Variants in SHANK2 observed in about 807,000 individuals in gnomAD.
SHANK2 encodes the protein SH3 and multiple ankyrin repeat domains 2, also known as SH3 and multiple ankyrin repeat domains protein 2.
SHANK2 carries 43 observed loss-of-function variants against 133.7 expected under a neutral mutation model. The observed-to-expected ratio is 0.32, with a 90% CI of 0.25 to 0.41. SHANK2 has a LOEUF of 0.41. Among genes scored for constraint, SHANK2 ranks in the 10% least tolerant of loss-of-function variants. The pLI, the probability that SHANK2 is intolerant of heterozygous loss-of-function variation, is 1.00. For missense variants in SHANK2, 1,994 were observed against 2,235.8 expected (o/e 0.89, Z 2.18); for synonymous variants, 1,017 against 952.8 (o/e 1.07, Z -1.24).
intron 10 of SHANK2, among the ~76,000 whole-genome samples, chr11:70,931,556 C>T (rs912235798): frequency 4.6e-5 from 7 of 152,200 alleles, no homozygotes; most frequent in Admixed American, 2.0e-4. Flanking sequence ...TATAGAATCA[C>T]CCGTCCTTGT....
In SHANK2 at chr11:70,599,564, C is replaced by T. The variant is rs28641151; in HGVS notation, c.2061+60264G>A. On this transcript the variant is annotated intron_variant, in intron 17 of 25. Coordinates refer to ENST00000601538, the MANE Select transcript of SHANK2 (RefSeq NM_012309.5). ...CGGAGCCTGCAGTGAGCCGAGATTG[C>T]GCCACTGCACTCCAGCCTGGGCGAC... Among the ~76,000 whole-genome samples, 8 of 95,864 alleles carry T rather than the reference C, an allele frequency of 8.3e-5. 1 individual carries two copies. The Admixed American group carries it at 9.1e-4, about 11-fold the overall frequency. The allele number at this position is 95,864 out of a possible 152,430, so 62.9% of individuals were successfully genotyped here.
chr11:71,143,063 G>GTC (rs781891088), intron 3 of SHANK2, among the ~76,000 whole-genome samples: 6 of 152,104 alleles, frequency 3.9e-5, no homozygotes. Flanking sequence ...GTAAAACCCC[G>GTC]TCTCTACTAA....
chr11:70,758,518 C>A (rs191859120), intron 14 of SHANK2, among the ~76,000 whole-genome samples: 1 of 152,238 alleles, frequency 6.6e-6, no homozygotes. Context: ...TGGTCCTAAT[C>A]GAGCTGAATA....
intron 10 of SHANK2, among the ~76,000 whole-genome samples, chr11:70,900,006 A>C (rs1555076446): frequency 6.6e-6 from 1 of 152,136 alleles, no homozygotes; most frequent in Non-Finnish European, 1.5e-5. Context: ...ATTTATTGAG[A>C]TCTCACAAGT....
At chr11:70,872,687 T>A (rs576224816) in intron 11 of SHANK2, among the ~76,000 whole-genome samples, 26 of 152,134 alleles carry the variant, frequency 1.7e-4, no homozygotes, top group African/African-American at 6.0e-4. Flanking sequence ...TACTTCCGGC[T>A]CCCTGGTGTA....
At chr11:70,903,957 A>G (rs1950061510) in intron 10 of SHANK2, among the ~76,000 whole-genome samples, 1 of 152,162 alleles carries the variant, frequency 6.6e-6, no homozygotes, top group African/African-American at 2.4e-5. Flanking sequence ...GGTAAGGCCC[A>G]TTCCAGGAGC....
intron 17 of SHANK2, among the ~76,000 whole-genome samples, chr11:70,598,719 C>T (rs2060434611): frequency 6.6e-6 from 1 of 152,174 alleles, no homozygotes; most frequent in South Asian, 2.1e-4. Flanking sequence ...ATTACTACAT[C>T]ATGACAAGTC....
intron 14 of SHANK2, among the ~76,000 whole-genome samples, chr11:70,702,331 TCATCACCAACAC>T (rs1261058083): frequency 7.2e-6 from 1 of 138,762 alleles, no homozygotes; most frequent in Non-Finnish European, 1.6e-5. Context: ...ATCACCATCA[TCATCACCAACAC>T]CATCACCACC....
At chr11:70,889,095 A>G (rs922186385) in intron 11 of SHANK2, among the ~76,000 whole-genome samples, 2 of 152,142 alleles carry the variant, frequency 1.3e-5, no homozygotes, top group African/African-American at 2.4e-5. Flanking sequence ...CCTAAACTGC[A>G]CCCTCATTTG....
intron 14 of SHANK2, among the ~76,000 whole-genome samples, chr11:70,715,539 G>A (rs1945894853): frequency 6.6e-6 from 1 of 152,144 alleles, no homozygotes; most frequent in South Asian, 2.1e-4. Context: ...AAATTGGCTG[G>A]ACAAATGAAT....
intron 11 of SHANK2, 91 bp from the exon 12 acceptor site, chr11:70,820,773 G>A (rs566936809): frequency 1.2e-5 from 7 of 577,676 alleles, no homozygotes; most frequent in East Asian, 2.9e-5. Flanking sequence ...GCCTGCGTGC[G>A]TCCAAGCCCC....
At chr11:70,760,292 G>A (rs113583048) in intron 14 of SHANK2, among the ~76,000 whole-genome samples, 9 of 152,146 alleles carry the variant, frequency 5.9e-5, no homozygotes, top group Non-Finnish European at 1.0e-4. Context: ...TCACCTCCTC[G>A]AAGCGCCTGC....
intron 21 of SHANK2, among the ~76,000 whole-genome samples, chr11:70,499,058 G>A (rs187810225): frequency 2.6e-5 from 4 of 152,176 alleles, no homozygotes; most frequent in Admixed American, 6.5e-5. Flanking sequence ...TGCTTTTTCC[G>A]AGGCGAGGCC....
At chr11:70,828,295 A>T (rs1420960479) in intron 11 of SHANK2, among the ~76,000 whole-genome samples, 1 of 151,794 alleles carries the variant, frequency 6.6e-6, no homozygotes, top group Non-Finnish European at 1.5e-5. Context: ...CAAACAAAAA[A>T]CCCCACAAAA....
chr11:70,663,318 C>T (rs894427427), intron 15 of SHANK2, among the ~76,000 whole-genome samples: 3 of 152,116 alleles, frequency 2.0e-5, no homozygotes, highest in East Asian at 3.9e-4. Context: ...ACAGCCACCC[C>T]GGATTGGGGG....
rs141572678 is a variant in SHANK2, at chr11:70,912,989, T to C, written c.1108-16422A>G. Among the ~76,000 whole-genome samples the C allele has an allele frequency of 2.1e-3, 315 of 152,026 alleles. 1 individual carries two copies. Among genetic ancestry groups the C allele is most frequent in the African/African-American group, 7.4e-3 (307 of 41,424 alleles). On this transcript the variant is annotated intron_variant, in intron 10 of 25. Coordinates refer to ENST00000601538, the MANE Select transcript of SHANK2 (RefSeq NM_012309.5). ...TATTTCCTTCAGTTCTCTGGACTTA[T>C]CAATTTACAGTCTCAGGGAACTGAA...
intron 12 of SHANK2, among the ~76,000 whole-genome samples, chr11:70,817,492 G>A (rs539018551): frequency 2.0e-5 from 3 of 152,320 alleles, no homozygotes; most frequent in Non-Finnish European, 2.9e-5. Context: ...CAGTTAGGGG[G>A]ACTGGCTGTC....
intron 11 of SHANK2, among the ~76,000 whole-genome samples, chr11:70,867,832 C>T (rs902990783): frequency 4.6e-5 from 7 of 152,234 alleles, no homozygotes; most frequent in African/African-American, 4.8e-5. Context: ...CCAGGTCCAC[C>T]GCCTCCACTG....
At position 71,063,894 on chromosome 11, in the gene SHANK2, C is replaced by T. The variant is rs1260042457; in HGVS notation, c.1030-7336G>A. Reference sequence around the variant, plus strand: ...GAGCGTTCCTGGGGCTCGCACTGTGCCCGCTGAGAACACAGTGTGCCTGCA... The same window carrying T: ...GAGCGTTCCTGGGGCTCGCACTGTGTCCGCTGAGAACACAGTGTGCCTGCA... On this transcript the variant is annotated intron_variant, in intron 9 of 25. Transcript: ENST00000601538. Among the ~76,000 whole-genome samples, 11 of 152,236 alleles carry T rather than the reference C, an allele frequency of 7.2e-5. No homozygotes were observed. The East Asian group carries it at 2.1e-3, about 29-fold the overall frequency.
Sources: gnomAD v4.1 joint callset for allele counts (sites outside exome capture counted in the v4.1 genomes callset) on GRCh38, gnomAD v4.1.1 for gene constraint, MANE v1.5 for transcripts, NCBI Gene and HGNC (gene_info 2026-07-23, HGNC 2026-07-21) for gene names.